Variants in CHST11 observed in about 807,000 individuals in gnomAD.
CHST11 encodes the protein C4S-1.
Under a neutral mutation model 30.4 loss-of-function variants are expected in CHST11, and 9 were observed. The observed-to-expected ratio is 0.30, with a 90% CI of 0.18 to 0.52. The LOEUF (loss-of-function observed/expected upper bound fraction) is 0.52. Among genes scored for constraint, CHST11 ranks in the 20% least tolerant of loss-of-function variants. CHST11 has a pLI of 0.97. For missense variants in CHST11, 348 were observed against 460.6 expected, an observed-to-expected ratio of 0.76 and a Z score of 2.24; for synonymous variants, 152 against 187.8, an observed-to-expected ratio of 0.81 and a Z score of 1.56.
At chr12:104,696,676 T>A (rs1211576012) in intron 2 of CHST11, among the ~76,000 whole-genome samples, 1 of 151,594 alleles carries the variant, frequency 6.6e-6, no homozygotes, top group Non-Finnish European at 1.5e-5. Flanking sequence ...AAAAAAAGAA[T>A]AAAATAAAAT....
At position 104,472,361 on chromosome 12, in the gene CHST11, A is replaced by G. The variant is rs145032790; in HGVS notation, c.118+14832A>G. Among the ~76,000 whole-genome samples, 447 of 151,868 alleles carry G rather than the reference A, an allele frequency of 2.9e-3. 3 individuals are homozygous for G. Among genetic ancestry groups the G allele is most frequent in the African/African-American group, 0.01 (424 of 41,280 alleles). On this transcript the variant is annotated intron_variant, in intron 1 of 2. Transcript: ENST00000303694. ...TGATTATCTTAAGGCTCAACATGTT[A>G]AATACAAGATATTGGCTGCAAAGTT... is the stretch of plus-strand genomic sequence containing the variant.
intron 1 of CHST11, among the ~76,000 whole-genome samples, chr12:104,567,541 A>G (rs984715905): frequency 7.9e-5 from 12 of 152,124 alleles, no homozygotes; most frequent in African/African-American, 2.9e-4. Flanking sequence ...CTGCCTGCCC[A>G]AAGTACCTCT....
intron 1 of CHST11, among the ~76,000 whole-genome samples, chr12:104,554,122 T>C (rs2038432214): frequency 6.6e-6 from 1 of 151,660 alleles, no homozygotes; most frequent in Admixed American, 6.6e-5. Context: ...TATAATGTAA[T>C]CATGGAAGCA....
At chr12:104,704,647 C>G (rs2040017661) in intron 2 of CHST11, among the ~76,000 whole-genome samples, 1 of 152,194 alleles carries the variant, frequency 6.6e-6, no homozygotes, top group Non-Finnish European at 1.5e-5. Context: ...AAAACCTTGT[C>G]AATCTGCTGT....
At chr12:104,502,414 A>T (rs1292226880) in intron 1 of CHST11, among the ~76,000 whole-genome samples, 2 of 152,060 alleles carry the variant, frequency 1.3e-5, no homozygotes, top group African/African-American at 4.8e-5. Context: ...TGGCCAGATG[A>T]CTCAGTTAAT....
intron 1 of CHST11, among the ~76,000 whole-genome samples, chr12:104,567,859 C>T (rs927609694): frequency 1.3e-5 from 2 of 152,196 alleles, no homozygotes; most frequent in Admixed American, 6.5e-5. Context: ...CTGAGGGAGC[C>T]TCTTCACCCC....
At position 104,698,931 on chromosome 12, in the gene CHST11, G is replaced by A. The variant is rs12809215; in HGVS notation, c.205-58018G>A. ...ATTGAATATTGTCTTTAATTCTGAC[G>A]TAGCTAGTTAAAAACCAAGCTTTTC... On this transcript the variant is annotated intron_variant, in intron 2 of 2. Transcript: ENST00000303694. 5.2e-3 allele frequency among the ~76,000 whole-genome samples: 787 copies of A among 152,222 alleles called. 5 individuals carry two copies. Among genetic ancestry groups the A allele is most frequent in the Non-Finnish European group, 6.7e-3 (455 of 68,020 alleles).
At chr12:104,727,258 T>A (rs542265905) in intron 2 of CHST11, among the ~76,000 whole-genome samples, 2 of 152,368 alleles carry the variant, frequency 1.3e-5, no homozygotes, top group South Asian at 4.1e-4. Flanking sequence ...GGGGCCTACA[T>A]TCAAGATCCT....
At chr12:104,739,334 C>T (rs577612935) in intron 2 of CHST11, among the ~76,000 whole-genome samples, 1 of 152,358 alleles carries the variant, frequency 6.6e-6, no homozygotes, top group African/African-American at 2.4e-5. Flanking sequence ...TTCATTACTA[C>T]ATTGGCCTGA....
intron 1 of CHST11, among the ~76,000 whole-genome samples, chr12:104,509,182 A>T (rs2037937960): frequency 6.6e-6 from 1 of 152,168 alleles, no homozygotes; most frequent in Non-Finnish European, 1.5e-5. Flanking sequence ...AGTAAGTCTT[A>T]TGAGATCTGA....
rs561152185 is a variant in CHST11, at chr12:104,532,954, C to G, written c.119-68952C>G. ...GCCAAATCTTTTTTCTTTTTATTTC[C>G]TTTTAGAGATAGGTTCTCGCTATGT... On this transcript the variant is annotated intron_variant, in intron 1 of 2. Transcript: ENST00000303694. Among the ~76,000 whole-genome samples, 60 of 152,156 alleles carry G rather than the reference C, an allele frequency of 3.9e-4. 1 individual carries two copies. In the South Asian group the frequency reaches 0.012, roughly 32 times the overall value.
At chr12:104,637,056 A>G (rs1049670142) in intron 2 of CHST11, among the ~76,000 whole-genome samples, 13 of 151,940 alleles carry the variant, frequency 8.6e-5, no homozygotes, top group African/African-American at 2.9e-4. Flanking sequence ...TAATCCCAGC[A>G]TTTTGGGAGG....
intron 1 of CHST11, among the ~76,000 whole-genome samples, chr12:104,521,455 C>G (rs1275035272): frequency 1.3e-5 from 2 of 152,148 alleles, no homozygotes; most frequent in Admixed American, 6.5e-5. Flanking sequence ...GCAAGGAATT[C>G]AAAGATGATG....
At chr12:104,719,579 T>G (rs920280144) in intron 2 of CHST11, among the ~76,000 whole-genome samples, 2 of 152,242 alleles carry the variant, frequency 1.3e-5, no homozygotes, top group South Asian at 4.1e-4. Context: ...TCATAGTCTT[T>G]TTTTAATTCT....
intron 1 of CHST11, among the ~76,000 whole-genome samples, chr12:104,561,276 C>T (rs917084004): frequency 6.6e-6 from 1 of 152,192 alleles, no homozygotes; most frequent in Admixed American, 6.5e-5. Context: ...CCAGACCCCT[C>T]CCATCTTGTT....
At chr12:104,734,767 C>T (rs1343608918) in intron 2 of CHST11, among the ~76,000 whole-genome samples, 2 of 152,166 alleles carry the variant, frequency 1.3e-5, no homozygotes, top group Non-Finnish European at 2.9e-5. Context: ...TGGCGCTCTG[C>T]CTCCTGGGAG....
At chr12:104,655,246 G>A (rs1195675516) in intron 2 of CHST11, among the ~76,000 whole-genome samples, 2 of 152,258 alleles carry the variant, frequency 1.3e-5, no homozygotes, top group Non-Finnish European at 2.9e-5. Context: ...GCTTCCAGCT[G>A]CTCAGTACAA....
At chr12:104,545,597 A>T (rs2136005159) in intron 1 of CHST11, among the ~76,000 whole-genome samples, 1 of 152,328 alleles carries the variant, frequency 6.6e-6, no homozygotes, top group East Asian at 1.9e-4. Context: ...TTCCATAAAG[A>T]TGATGCCTTG....
At chr12:104,639,900 C>G (rs2039359164) in intron 2 of CHST11, among the ~76,000 whole-genome samples, 1 of 151,876 alleles carries the variant, frequency 6.6e-6, no homozygotes, top group Non-Finnish European at 1.5e-5. Flanking sequence ...ACAAACAGCC[C>G]AGTTAAAAAT....
Sources: allele counts gnomAD v4.1 joint callset (sites outside exome capture counted in the v4.1 genomes callset), GRCh38; gene constraint gnomAD v4.1.1; transcripts MANE v1.5; gene names NCBI Gene and HGNC (gene_info 2026-07-23, HGNC 2026-07-21).